The following MYO5B variants were observed in gnomAD, a reference collection of about 807,000 sequenced individuals.
MYO5B encodes the protein myosin VB, also known as unconventional myosin-Vb.
In MYO5B, 143 loss-of-function variants were observed where a neutral mutation model predicts 229.3. The ratio of observed to expected loss-of-function variants is 0.62; its 90% confidence interval spans 0.54 to 0.72. The LOEUF (loss-of-function observed/expected upper bound fraction) is 0.72, where lower values mean the gene tolerates loss of function less well. MYO5B is among the 30% of genes least tolerant of loss of function. The pLI, the probability that MYO5B is intolerant of heterozygous loss-of-function variation, is 0.00. For missense variants in MYO5B, 2,321 were observed against 2,331.0 expected (o/e 1.00, Z 0.09); for synonymous variants, 918 against 885.2 (o/e 1.04, Z -0.66).
intron 1 of MYO5B, among the ~76,000 whole-genome samples, chr18:50,077,540 C>G (rs891938004): frequency 6.1e-5 from 9 of 148,286 alleles, no homozygotes; most frequent in African/African-American, 1.8e-4. Context: ...CACACACACA[C>G]AGTAAAGGAC....
chr18:49,906,801 T>A (rs546631943), intron 18 of MYO5B, among the ~76,000 whole-genome samples, 171 bp from the exon 19 acceptor site: 1 of 152,156 alleles, frequency 6.6e-6, no homozygotes, highest in African/African-American at 2.4e-5. Context: ...AAGACCCTAC[T>A]ACGGGCCAGA....
intron 1 of MYO5B, among the ~76,000 whole-genome samples, chr18:50,156,969 C>G (rs569551158): frequency 6.6e-6 from 1 of 152,324 alleles, no homozygotes; most frequent in South Asian, 2.1e-4. Flanking sequence ...CCCTGTAACT[C>G]TCTACCTCAA....
chr18:49,989,298 G>A (rs959718736), intron 7 of MYO5B, among the ~76,000 whole-genome samples: 1 of 152,206 alleles, frequency 6.6e-6, no homozygotes, highest in Non-Finnish European at 1.5e-5. Flanking sequence ...GCACAGATGG[G>A]TCTGGTGCTG....
chr18:49,953,953 A>ATG (rs33921831), intron 13 of MYO5B, among the ~76,000 whole-genome samples: 7 of 41,856 alleles, frequency 1.7e-4, no homozygotes, highest in South Asian at 8.7e-4. Context: ...ATATACAGAC[A>ATG]TGTGTGTGTG....
At chr18:49,926,690 A>G (rs1016714727) in intron 17 of MYO5B, among the ~76,000 whole-genome samples, 1 of 152,262 alleles carries the variant, frequency 6.6e-6, no homozygotes, top group Non-Finnish European at 1.5e-5. Context: ...CCGCAAGGCA[A>G]ATCAGAGCAT....
chr18:50,085,845 T>G (rs1345435320), intron 1 of MYO5B, among the ~76,000 whole-genome samples: 1 of 151,590 alleles, frequency 6.6e-6, no homozygotes. Flanking sequence ...TGTTCTCACT[T>G]ATAGGTGGGA....
intron 1 of MYO5B, among the ~76,000 whole-genome samples, chr18:50,077,364 ATTAC>A (rs2031108297): frequency 6.6e-6 from 1 of 152,080 alleles, no homozygotes; most frequent in Non-Finnish European, 1.5e-5. Flanking sequence ...AGCATGTTAG[ATTAC>A]AACTCGGAAG....
chr18:50,075,684 T>C (rs2031062570), intron 1 of MYO5B, among the ~76,000 whole-genome samples: 2 of 152,126 alleles, frequency 1.3e-5, no homozygotes, highest in Non-Finnish European at 2.9e-5. Flanking sequence ...TTCAAAGAAG[T>C]GGATGCCAAA....
chr18:50,138,671 T>C (rs1031098849), intron 1 of MYO5B, among the ~76,000 whole-genome samples: 2 of 150,386 alleles, frequency 1.3e-5, no homozygotes, highest in African/African-American at 4.9e-5. Flanking sequence ...AAAAAAGAAG[T>C]GAAATTATGC....
intron 1 of MYO5B, among the ~76,000 whole-genome samples, chr18:50,110,250 C>G (rs763492036): frequency 1.3e-5 from 2 of 152,126 alleles, no homozygotes; most frequent in Non-Finnish European, 2.9e-5. Flanking sequence ...TTTCATGTCT[C>G]CTTTCTCTGC....
chr18:49,963,304 T>C (rs1231724355), intron 10 of MYO5B, among the ~76,000 whole-genome samples: 2 of 152,240 alleles, frequency 1.3e-5, no homozygotes, highest in Admixed American at 6.5e-5. Context: ...GATTCTATCA[T>C]TCATATTGAC....
intron 16 of MYO5B, among the ~76,000 whole-genome samples, chr18:49,932,265 T>C (rs1470406827): frequency 6.6e-6 from 1 of 152,224 alleles, no homozygotes; most frequent in Non-Finnish European, 1.5e-5. Context: ...CACTTGGTGC[T>C]GGTCCCCTCC....
At chr18:49,926,630 T>G (rs1188758915) in intron 17 of MYO5B, among the ~76,000 whole-genome samples, 2 of 152,210 alleles carry the variant, frequency 1.3e-5, no homozygotes, top group South Asian at 4.1e-4. Flanking sequence ...CCAGAGGGGA[T>G]CCAATGTTGG....
chr18:49,831,527 A>T (rs1385385026), intron 39 of MYO5B, among the ~76,000 whole-genome samples: 1 of 152,220 alleles, frequency 6.6e-6, no homozygotes, highest in Non-Finnish European at 1.5e-5. Context: ...GCTAGTCATC[A>T]GAGAGATACA....
chr18:49,915,050 G>T (rs2024997862), intron 17 of MYO5B, among the ~76,000 whole-genome samples: 1 of 152,070 alleles, frequency 6.6e-6, no homozygotes, highest in South Asian at 2.1e-4. Context: ...GCTTTTCCTG[G>T]TCTGGTGGAA....
chr18:50,003,435 A>G (rs2144330356), intron 4 of MYO5B, among the ~76,000 whole-genome samples: 1 of 152,314 alleles, frequency 6.6e-6, no homozygotes, highest in African/African-American at 2.4e-5. Context: ...TGAAATCTCA[A>G]CATTGAAAGG....
intron 1 of MYO5B, among the ~76,000 whole-genome samples, chr18:50,165,073 T>C (rs2032823815): frequency 6.6e-6 from 1 of 152,198 alleles, no homozygotes; most frequent in East Asian, 1.9e-4. Context: ...TGGGGGAAAA[T>C]CAACAGAGAA....
chr18:50,005,943 C>T (rs189813358), intron 4 of MYO5B, among the ~76,000 whole-genome samples: 1 of 152,292 alleles, frequency 6.6e-6, no homozygotes, highest in African/African-American at 2.4e-5. Context: ...TTGTAAAGTC[C>T]CCCATTACTT....
chr18:50,177,983 A>G (rs2033020692), intron 1 of MYO5B, among the ~76,000 whole-genome samples: 1 of 152,026 alleles, frequency 6.6e-6, no homozygotes, highest in South Asian at 2.1e-4. Context: ...TTGATACACT[A>G]CTCCTGAATA....
Sources: gnomAD v4.1 joint callset for allele counts (sites outside exome capture counted in the v4.1 genomes callset) on GRCh38, gnomAD v4.1.1 for gene constraint, MANE v1.5 for transcripts, NCBI Gene and HGNC (gene_info 2026-07-23, HGNC 2026-07-21) for gene names.